TANC2: variants seen among roughly 807,000 people sequenced by gnomAD.
TANC2 encodes protein TANC2.
In TANC2, 26 loss-of-function variants were observed where a neutral mutation model predicts 210.5. The ratio of observed to expected loss-of-function variants is 0.12; its 90% CI spans 0.09 to 0.17. The LOEUF (loss-of-function observed/expected upper bound fraction) is 0.17. TANC2 is among the 10% of genes least tolerant of loss of function. The pLI is 1.00. For synonymous variants in TANC2, 931 were observed against 967.1 expected (o/e 0.96, Z 0.69); for missense variants, 2,129 against 2,608.9 (o/e 0.82, Z 4.01).
chr17:63,334,688 A>G (rs1328212685), intron 11 of TANC2, among the ~76,000 whole-genome samples: 1 of 152,242 alleles, frequency 6.6e-6, no homozygotes, highest in African/African-American at 2.4e-5. Context: ...TTTATTAACT[A>G]CAAAGGGAAA....
At chr17:63,005,477 ATAAC>A in intron 1 of TANC2, among the ~76,000 whole-genome samples, 1 of 141,286 alleles carries the variant, frequency 7.1e-6, no homozygotes. Flanking sequence ...TTTCTAAAAA[ATAAC>A]AAAAAAAAAA....
At chr17:63,419,928 G>A (rs557859143) in intron 27 of TANC2, 71 bp from the exon 28 acceptor site, 3 of 1,458,226 alleles carry the variant, frequency 2.1e-6, no homozygotes, top group East Asian at 2.5e-5. Context: ...TAGTGACCAT[G>A]TTCTCAGCTC....
intron 2 of TANC2, among the ~76,000 whole-genome samples, chr17:63,022,366 T>C (rs1430749790): frequency 5.4e-5 from 8 of 149,138 alleles, no homozygotes; most frequent in Non-Finnish European, 1.0e-4. Flanking sequence ...AATGACAAAC[T>C]AGGATTTCTG....
chr17:63,164,921 A>G (rs1197746008), intron 5 of TANC2, among the ~76,000 whole-genome samples: 1 of 152,086 alleles, frequency 6.6e-6, no homozygotes, highest in Admixed American at 6.5e-5. Flanking sequence ...ACCCTCACTC[A>G]CCAGAAATGT....
chr17:63,344,726 G>A (rs766852631), intron 12 of TANC2, among the ~76,000 whole-genome samples: 8 of 152,086 alleles, frequency 5.3e-5, no homozygotes, highest in South Asian at 2.1e-4. Context: ...TTAAAACTAC[G>A]TGGCAGTTTT....
chr17:63,129,030 T>G (rs568229610), intron 4 of TANC2, among the ~76,000 whole-genome samples: 2 of 152,278 alleles, frequency 1.3e-5, no homozygotes, highest in Admixed American at 1.3e-4. Context: ...TTTTGTTTGT[T>G]TTTTTGAGCC....
chr17:63,041,622 GA>G (rs2035189901), intron 2 of TANC2, among the ~76,000 whole-genome samples: 1 of 152,092 alleles, frequency 6.6e-6, no homozygotes, highest in Non-Finnish European at 1.5e-5. Flanking sequence ...TGCTTAAAGG[GA>G]GTGTTATATT....
chr17:63,112,332 G>A (rs2038081973), intron 4 of TANC2, among the ~76,000 whole-genome samples: 1 of 152,168 alleles, frequency 6.6e-6, no homozygotes, highest in African/African-American at 2.4e-5. Flanking sequence ...GGTGTCACAG[G>A]AAGTAAGTGG....
intron 9 of TANC2, among the ~76,000 whole-genome samples, chr17:63,283,820 C>T (rs900803471): frequency 2.0e-5 from 3 of 151,722 alleles, no homozygotes; most frequent in Non-Finnish European, 4.4e-5. Context: ...TGATTTTTAC[C>T]ATGTTGCTCT....
chr17:63,355,262 A>C, exon 14 of TANC2: 2 of 1,613,560 alleles, frequency 1.2e-6, no homozygotes, highest in Non-Finnish European at 1.7e-6. Flanking sequence ...TTCAGCAGAG[A>C]ATGGAGAACC....
intron 7 of TANC2, among the ~76,000 whole-genome samples, chr17:63,202,188 TAAAA>T (rs1041631148): frequency 6.6e-6 from 1 of 152,082 alleles, no homozygotes; most frequent in African/African-American, 2.4e-5. Flanking sequence ...TACAAAATGC[TAAAA>T]AAATTGCATT....
chr17:63,131,853 T>C (rs1287451035), intron 4 of TANC2, among the ~76,000 whole-genome samples: 1 of 152,142 alleles, frequency 6.6e-6, no homozygotes, highest in Non-Finnish European at 1.5e-5. Flanking sequence ...CAGGGTTCCA[T>C]CAAGATTTGA....
chr17:63,380,852 A>T (rs564891330), intron 15 of TANC2, among the ~76,000 whole-genome samples: 39 of 152,356 alleles, frequency 2.6e-4, no homozygotes, highest in African/African-American at 8.9e-4. Context: ...ACAGTGACAA[A>T]TCTTGTATTT....
intron 5 of TANC2, among the ~76,000 whole-genome samples, chr17:63,181,625 C>T (rs550869760): frequency 6.6e-6 from 1 of 152,226 alleles, no homozygotes; most frequent in Non-Finnish European, 1.5e-5. Context: ...AGAAATTTCA[C>T]TTGACACCGA....
intron 9 of TANC2, among the ~76,000 whole-genome samples, chr17:63,301,911 A>G (rs2044731123): frequency 6.6e-6 from 1 of 152,142 alleles, no homozygotes; most frequent in South Asian, 2.1e-4. Flanking sequence ...TGATGTGGGC[A>G]TTTAGTGCTA....
intron 9 of TANC2, among the ~76,000 whole-genome samples, chr17:63,285,369 ACT>A (rs1399797624): frequency 6.6e-6 from 1 of 151,572 alleles, no homozygotes; most frequent in Non-Finnish European, 1.5e-5. Context: ...AATTAGCTGT[ACT>A]CTTTGTTATT....
intron 5 of TANC2, among the ~76,000 whole-genome samples, chr17:63,183,009 G>C (rs1167867695): frequency 6.6e-6 from 1 of 152,176 alleles, no homozygotes; most frequent in East Asian, 1.9e-4. Flanking sequence ...TTTATAAACA[G>C]CTCATTGGAG....
chr17:63,256,828 C>T (rs572889465), intron 8 of TANC2, among the ~76,000 whole-genome samples: 82 of 152,188 alleles, frequency 5.4e-4, no homozygotes, highest in African/African-American at 1.9e-3. Context: ...TTGTTATATC[C>T]TCTTGCTGAA....
At chr17:63,072,718 G>A (rs981062056) in intron 2 of TANC2, among the ~76,000 whole-genome samples, 3 of 151,860 alleles carry the variant, frequency 2.0e-5, no homozygotes, top group African/African-American at 7.3e-5. Flanking sequence ...TTATTATTTT[G>A]TATTGTCGTC....
Sources: gnomAD v4.1 joint callset for allele counts (sites outside exome capture counted in the v4.1 genomes callset) on GRCh38, gnomAD v4.1.1 for gene constraint, MANE v1.5 for transcripts, NCBI Gene and HGNC (gene_info 2026-07-23, HGNC 2026-07-21) for gene names.